The following PVT1 variants were observed in gnomAD, a reference collection of about 807,000 sequenced individuals.
The protein encoded by PVT1 is CXCR4/PVT1 fusion.
chr8:128,033,657 G>A (rs904975171), intron 4 of PVT1, among the ~76,000 whole-genome samples: 11 of 152,156 alleles, frequency 7.2e-5, no homozygotes, highest in African/African-American at 2.4e-4. Flanking sequence ...GCAGGCTGGG[G>A]CCTCACCAGT....
intron 4 of PVT1, among the ~76,000 whole-genome samples, chr8:128,051,356 A>T (rs1295684956): frequency 6.6e-6 from 1 of 152,210 alleles, no homozygotes; most frequent in Non-Finnish European, 1.5e-5. Context: ...TTCCCTTCAG[A>T]TGGATGCCCA....
intron 2 of PVT1, among the ~76,000 whole-genome samples, chr8:127,831,598 G>A (rs948938074): frequency 1.8e-4 from 28 of 152,266 alleles, no homozygotes; most frequent in Admixed American, 1.6e-3. Context: ...GACTAGACAT[G>A]GCCACTAGTG....
chr8:128,029,520 G>A (rs761905452), intron 4 of PVT1, among the ~76,000 whole-genome samples: 12 of 152,152 alleles, frequency 7.9e-5, no homozygotes, highest in South Asian at 2.1e-4. Flanking sequence ...TACTTGTTGC[G>A]GTCGGGTGCG....
chr8:128,067,864 C>T (rs1196607918), intron 4 of PVT1, among the ~76,000 whole-genome samples: 3 of 152,014 alleles, frequency 2.0e-5, no homozygotes, highest in African/African-American at 7.3e-5. Flanking sequence ...AGAGACTGAT[C>T]ATGCTGTCTT....
intron 4 of PVT1, among the ~76,000 whole-genome samples, chr8:128,000,389 C>G (rs1563661988): frequency 6.6e-6 from 1 of 152,310 alleles, no homozygotes; most frequent in East Asian, 1.9e-4. Flanking sequence ...ACTGGAAGCA[C>G]CAGAGGTAGC....
intron 2 of PVT1, among the ~76,000 whole-genome samples, chr8:127,808,931 G>C (rs1586388268): frequency 6.8e-6 from 1 of 147,212 alleles, no homozygotes; most frequent in Non-Finnish European, 1.5e-5. Context: ...TTGGGAAGCT[G>C]AGGCAGGAAA....
chr8:128,066,963 C>T lies in PVT1; in HGVS notation n.913-3197C>T, dbSNP rs1489913081. Among the ~76,000 whole-genome samples the T allele has an allele frequency of 2.6e-5, 4 of 152,238 alleles. No homozygotes were observed. The East Asian group carries it at 7.7e-4, about 29-fold the overall frequency. ...CCAATACCCCTCCCCTGCTCTAGGC[C>T]TTCATCACTGAATGCTATCCTTTCA... is the stretch of plus-strand genomic sequence containing the variant. On this transcript the variant is annotated intron_variant and non_coding_transcript_variant, in intron 4 of 10. Transcript: ENST00000651587.
chr8:127,886,467 GATA>G (rs1396788033), intron 2 of PVT1, among the ~76,000 whole-genome samples: 1 of 152,050 alleles, frequency 6.6e-6, no homozygotes, highest in Admixed American at 6.5e-5. Flanking sequence ...TAGGCTTTTT[GATA>G]TTGTCCTACA....
chr8:127,850,755 A>G (rs1161308853), intron 2 of PVT1, among the ~76,000 whole-genome samples: 1 of 152,244 alleles, frequency 6.6e-6, no homozygotes, highest in Non-Finnish European at 1.5e-5. Context: ...GCGGTGGCTC[A>G]CGCCTGTAAT....
chr8:127,839,309 G>A (rs906036378), intron 2 of PVT1, among the ~76,000 whole-genome samples: 1 of 152,068 alleles, frequency 6.6e-6, no homozygotes, highest in African/African-American at 2.4e-5. Context: ...CACTTTGGGA[G>A]TCCAAGGGGA....
chr8:128,026,850 C>T (rs1813301118), intron 4 of PVT1, among the ~76,000 whole-genome samples: 1 of 152,192 alleles, frequency 6.6e-6, no homozygotes, highest in Non-Finnish European at 1.5e-5. Context: ...TGAGAAGACG[C>T]TCTCTGGGGA....
rs113320113 is a variant in PVT1, at chr8:128,028,871, C to CTT, written n.912+39581_912+39582dup. On this transcript the variant is annotated intron_variant and non_coding_transcript_variant, in intron 4 of 10. Transcript: ENST00000651587. ...TTTTTTATTATTTTGGGGACAGGGT[C>CTT]TTGCTCTGTCACCCAGGCTGGAATG... is the stretch of plus-strand genomic sequence containing the variant. 5.3e-3 allele frequency among the ~76,000 whole-genome samples: 808 copies of CTT among 152,218 alleles called. 7 individuals are homozygous for CTT. Among genetic ancestry groups the CTT allele is most frequent in the African/African-American group, 0.018 (765 of 41,532 alleles).
At chr8:128,008,898 C>A (rs1193442554) in intron 4 of PVT1, 1 of 518,980 alleles carries the variant, frequency 1.9e-6, no homozygotes, top group Admixed American at 1.9e-5. Flanking sequence ...TTTTTCATAT[C>A]AGTGTTCATG....
At chr8:127,947,493 C>T (rs1816436273) in intron 3 of PVT1, 1 of 346,504 alleles carries the variant, frequency 2.9e-6, no homozygotes, top group Non-Finnish European at 5.7e-6. Flanking sequence ...TCTGCCCATC[C>T]CAATGCCAGG....
intron 4 of PVT1, among the ~76,000 whole-genome samples, chr8:128,047,105 A>G (rs368457402): frequency 6.6e-6 from 1 of 152,306 alleles, no homozygotes; most frequent in East Asian, 1.9e-4. Context: ...GCCTTCCTCC[A>G]AGGTACTTTG....
chr8:128,021,037 C>A (rs1462743872), intron 4 of PVT1, among the ~76,000 whole-genome samples: 1 of 152,150 alleles, frequency 6.6e-6, no homozygotes, highest in Admixed American at 6.5e-5. Flanking sequence ...CTATTTCAGA[C>A]CCCCTGGGAT....
At chr8:127,989,608 C>T (rs753595522) in intron 4 of PVT1, among the ~76,000 whole-genome samples, 6 of 152,062 alleles carry the variant, frequency 3.9e-5, no homozygotes, top group Non-Finnish European at 7.4e-5. Flanking sequence ...CATGTGGAGA[C>T]AGCCTTGGGG....
At chr8:127,925,998 G>A (rs753618432) in intron 3 of PVT1, among the ~76,000 whole-genome samples, 6 of 152,142 alleles carry the variant, frequency 3.9e-5, no homozygotes, top group Non-Finnish European at 5.9e-5. Context: ...TTCTCAGCTC[G>A]TTTCATTTGA....
chr8:127,972,675 G>A (rs563531950), intron 3 of PVT1, among the ~76,000 whole-genome samples: 129 of 152,146 alleles, frequency 8.5e-4, no homozygotes, highest in Middle Eastern at 3.4e-3. Flanking sequence ...GGAGGCAGAG[G>A]TTGCAGTAAG....
Sources: gnomAD v4.1 joint callset for allele counts (sites outside exome capture counted in the v4.1 genomes callset) on GRCh38, gnomAD v4.1.1 for gene constraint, MANE v1.5 for transcripts, NCBI Gene and HGNC (gene_info 2026-07-23, HGNC 2026-07-21) for gene names.